The following PHC2 variants were observed in gnomAD, a reference collection of about 807,000 sequenced individuals.
The protein encoded by PHC2 is polyhomeotic homolog 2.
PHC2 carries 29 observed loss-of-function variants against 87.4 expected under a neutral mutation model. That is an observed-to-expected ratio of 0.33 (90% CI 0.25 to 0.45). The LOEUF is 0.45. Ranked by LOEUF, PHC2 falls within the 20% of genes least tolerant of loss-of-function variation. PHC2 has a pLI of 1.00. For synonymous variants in PHC2, 438 were observed against 461.7 expected (o/e 0.95, Z 0.66); for missense variants, 857 against 1,136.7 (o/e 0.75, Z 3.54).
intron 1 of PHC2, among the ~76,000 whole-genome samples, chr1:33,401,697 A>C (rs1347857432): frequency 6.6e-6 from 1 of 152,224 alleles, no homozygotes; most frequent in Non-Finnish European, 1.5e-5. Flanking sequence ...AGAAGTTCCC[A>C]AAATAGACCC....
chr1:33,430,831 C>G (rs1650886090), intron 1 of PHC2, 145 bp downstream of exon 1: 2 of 150,258 alleles, frequency 1.3e-5, no homozygotes, highest in South Asian at 4.1e-4. Context: ...CCCCGCCCCG[C>G]GCGGCCCGTC....
At chr1:33,413,125 C>G (rs1356336257) in intron 1 of PHC2, among the ~76,000 whole-genome samples, 1 of 152,152 alleles carries the variant, frequency 6.6e-6, no homozygotes, top group African/African-American at 2.4e-5. Context: ...TGCCACCACA[C>G]TTGGCTAATT....
chr1:33,363,983 C>T (rs1050455001), intron 7 of PHC2: 12 of 785,578 alleles, frequency 1.5e-5, no homozygotes, highest in Admixed American at 1.2e-4. Context: ...CTCTGTTCTC[C>T]GCCCCTTACT....
intron 1 of PHC2, among the ~76,000 whole-genome samples, chr1:33,427,503 G>T (rs1487291331): frequency 6.6e-6 from 1 of 151,804 alleles, no homozygotes; most frequent in Non-Finnish European, 1.5e-5. Flanking sequence ...AAGGTGATCC[G>T]CATGCTGTCT....
In PHC2 at chr1:33,369,603, G is replaced by C. The variant is rs1029341813; in HGVS notation, c.576+818C>G. On this transcript the variant is annotated intron_variant, in intron 5 of 14. Transcript: ENST00000683057. The surrounding 1 kb of genome is among the most constrained non-coding windows in gnomAD (Gnocchi z 4.7). Reference sequence around the variant, plus strand: ...AACTCAGAGCCAAGAACAAATGTGCGGGAGCAAGACCAGACAAGCTCCGAG... The same window carrying C: ...AACTCAGAGCCAAGAACAAATGTGCCGGAGCAAGACCAGACAAGCTCCGAG... 6.6e-6 allele frequency among the ~76,000 whole-genome samples: 1 copy of C among 152,204 alleles called. No homozygotes were observed. Among genetic ancestry groups the C allele is most frequent in the Non-Finnish European group, 1.5e-5 (1 of 68,028 alleles).
intron 1 of PHC2, among the ~76,000 whole-genome samples, chr1:33,386,462 T>C (rs1040867815): frequency 2.0e-5 from 3 of 151,776 alleles, no homozygotes; most frequent in Non-Finnish European, 2.9e-5. Flanking sequence ...GAGGTTGCAG[T>C]GAGCCGAGAC....
At position 33,371,083 on chromosome 1, in the gene PHC2, T is replaced by C; in HGVS notation, c.345A>G (p.Val115=). The C allele has an allele frequency of 6.2e-7, 1 of 1,613,966 alleles. No homozygotes were observed. The highest frequency in any genetic ancestry group is 8.5e-7 in the Non-Finnish European group (1 of 1,179,902). Residue 115 remains valine (V), a synonymous_variant, in exon 4 of 15, where the codon GTA becomes GTG. Coordinates refer to ENST00000683057, the MANE Select transcript of PHC2 (RefSeq NM_001385109.1). ...CTGAAGTGCTTCCTTGTCTATTGGATACCAGGCTTGCCTAGGAAAGAACAA... is the reference window on the plus strand; with the variant it reads ...CTGAAGTGCTTCCTTGTCTATTGGACACCAGGCTTGCCTAGGAAAGAACAA... The part of the protein sequence containing the change: ...SLAAVQQASL[V]SNRQGSTSGS...
intron 9 of PHC2, among the ~76,000 whole-genome samples, chr1:33,351,044 G>A (rs1646962106): frequency 6.6e-6 from 1 of 152,014 alleles, no homozygotes; most frequent in Non-Finnish European, 1.5e-5. Context: ...ATCCTTCAAG[G>A]TCCAGACTCA....
chr1:33,373,765 T>G (rs1648001778), intron 2 of PHC2, among the ~76,000 whole-genome samples: 1 of 152,102 alleles, frequency 6.6e-6, no homozygotes, highest in South Asian at 2.1e-4. Context: ...GCTGAATCCC[T>G]GGCCACAGGC....
chr1:33,381,998 C>G (rs992582230), intron 1 of PHC2, among the ~76,000 whole-genome samples: 2 of 151,974 alleles, frequency 1.3e-5, no homozygotes, highest in African/African-American at 4.8e-5. Flanking sequence ...AAACCTCCTG[C>G]CCGCATGGTG....
chr1:33,420,565 C>A (rs1570516358), intron 1 of PHC2, among the ~76,000 whole-genome samples: 1 of 152,136 alleles, frequency 6.6e-6, no homozygotes, highest in Non-Finnish European at 1.5e-5. Flanking sequence ...GTCCTCAGTT[C>A]AAAATCTGGC....
intron 1 of PHC2, among the ~76,000 whole-genome samples, chr1:33,394,061 T>C (rs1244104701): frequency 1.3e-5 from 2 of 152,184 alleles, no homozygotes; most frequent in Admixed American, 6.5e-5. Context: ...TAACTCTATT[T>C]CCACTCCTGT....
chr1:33,352,860 G>C (rs1646999190), intron 9 of PHC2, among the ~76,000 whole-genome samples: 1 of 152,140 alleles, frequency 6.6e-6, no homozygotes, highest in African/African-American at 2.4e-5. Context: ...CGCGGGACCT[G>C]GAGCCCCTCA....
chr1:33,349,726 G>A lies in PHC2; in HGVS notation c.1558+4675C>T. 9 of 994,782 alleles carry A rather than the reference G, an allele frequency of 9.0e-6. No homozygotes were observed. Among genetic ancestry groups the A allele is most frequent in the Non-Finnish European group, 9.6e-6 (8 of 835,038 alleles). The allele number at this position is 994,782 out of a possible 1,614,324, so 61.6% of individuals were successfully genotyped here. ...GCCGGGAGCCTCCGAGCCGGGGCCC[G>A]GGGCTGCCGCGGCGCATCCGACCGC... On this transcript the variant is annotated intron_variant, in intron 9 of 14. Coordinates refer to ENST00000683057, the MANE Select transcript of PHC2 (RefSeq NM_001385109.1). This position sits in a 1 kb window ranked among gnomAD's most constrained non-coding sequence, Gnocchi z 4.2.
intron 6 of PHC2, 29 bp from the exon 7 acceptor site, chr1:33,367,457 G>A (rs748799547): frequency 6.6e-7 from 1 of 1,512,750 alleles, no homozygotes; most frequent in Non-Finnish European, 8.9e-7. Context: ...TGGGAGTCCA[G>A]AGAATGTGGC....
At chr1:33,398,090 T>A (rs939611585) in intron 1 of PHC2, among the ~76,000 whole-genome samples, 1 of 152,184 alleles carries the variant, frequency 6.6e-6, no homozygotes, top group Non-Finnish European at 1.5e-5. Flanking sequence ...TAGCCCTGCT[T>A]ATGATAGCAC....
chr1:33,339,063 G>A (rs1646695258), intron 9 of PHC2, among the ~76,000 whole-genome samples: 1 of 152,130 alleles, frequency 6.6e-6, no homozygotes, highest in Admixed American at 6.5e-5. Flanking sequence ...TACAGGGGTG[G>A]GAGAAAACAG....
intron 13 of PHC2, 139 bp from the exon 14 acceptor site, chr1:33,329,285 G>T: frequency 1.2e-6 from 1 of 802,420 alleles, no homozygotes; most frequent in Non-Finnish European, 1.9e-6. Flanking sequence ...CATCTTCCAT[G>T]CTGTCCTGTC....
chr1:33,353,633 G>T (rs532857120), intron 9 of PHC2, among the ~76,000 whole-genome samples: 5 of 151,918 alleles, frequency 3.3e-5, no homozygotes, highest in South Asian at 4.2e-4. Context: ...TCTCTTTCCT[G>T]TTCCCCGCCC....
Sources: allele counts gnomAD v4.1 joint callset (sites outside exome capture counted in the v4.1 genomes callset), GRCh38; gene constraint gnomAD v4.1.1; non-coding constraint Gnocchi (gnomAD v3.1); transcripts MANE v1.5; gene names NCBI Gene and HGNC (gene_info 2026-07-23, HGNC 2026-07-21).